DNAH2: variants seen among roughly 807,000 people sequenced by gnomAD.
DNAH2 encodes axonemal beta dynein heavy chain 2.
In DNAH2, 323 loss-of-function variants were observed where a neutral mutation model predicts 523.5. That is an observed-to-expected ratio of 0.62 (90% CI 0.56 to 0.68). The LOEUF (loss-of-function observed/expected upper bound fraction) is 0.68. Ranked by LOEUF, DNAH2 falls within the 30% of genes least tolerant of loss-of-function variation. The pLI, the probability that DNAH2 is intolerant of heterozygous loss-of-function variation, is 0.00. For synonymous variants in DNAH2, 2,093 were observed against 2,177.4 expected (o/e 0.96, Z 1.08); for missense variants, 4,907 against 5,701.5 (o/e 0.86, Z 4.49).
intron 72 of DNAH2, among the ~76,000 whole-genome samples, chr17:7,820,078 G>T (rs1416902867): frequency 6.6e-6 from 1 of 152,062 alleles, no homozygotes; most frequent in African/African-American, 2.4e-5. Flanking sequence ...CACAGTGTTG[G>T]GATTACAGGC....
At chr17:7,813,901 CTG>C (rs2077585959) in intron 63 of DNAH2, among the ~76,000 whole-genome samples, 1 of 138,614 alleles carries the variant, frequency 7.2e-6, no homozygotes, top group Non-Finnish European at 1.6e-5. Flanking sequence ...GTGTGAGACT[CTG>C]TCTCAAAAAA....
intron 63 of DNAH2, among the ~76,000 whole-genome samples, chr17:7,810,084 G>C (rs2077472558): frequency 8.0e-6 from 1 of 125,532 alleles, no homozygotes; most frequent in Admixed American, 9.2e-5. Context: ...TTTTTTTTGA[G>C]ACAGGATCTC....
In DNAH2 at chr17:7,819,457, G is replaced by C. The variant is rs776306744; in HGVS notation, c.11015+49G>C. 2.9e-5 allele frequency: 47 copies of C among 1,604,274 alleles called. No individual in the cohort carries two copies. The Middle Eastern group carries it at 5.1e-4, about 17-fold the overall frequency. On this transcript the variant is annotated intron_variant, in intron 72 of 85. Transcript: ENST00000572933. ...CCCAGCCCGGAGGCCGAGTGGCTGT[G>C]GTTCTTCTGGCCACTGCACCTTCGT...
Position 7,754,791 on chromosome 17 carries a change from CCAGCTTCAGTTT to C in DNAH2, c.1905-2294_1905-2283del, listed in dbSNP as rs1377666100. On this transcript the variant is annotated intron_variant, in intron 12 of 85. Transcript: ENST00000572933. This position sits in a 1 kb window ranked among gnomAD's most constrained non-coding sequence, Gnocchi z 4.6. Reference sequence around the variant, plus strand: ...TCAAACCAAGGCCCAGGCTGCAGCTCCAGCTTCAGTTTCAGCTCAGGCTCCCAAAGCTGCCCA... The same window carrying C: ...TCAAACCAAGGCCCAGGCTGCAGCTCCAGCTCAGGCTCCCAAAGCTGCCCA... 1 of 796,912 alleles carries C rather than the reference CCAGCTTCAGTTT, an allele frequency of 1.3e-6. No homozygotes were observed. The highest frequency in any genetic ancestry group is 1.7e-5 in the African/African-American group (1 of 59,368). The allele number at this position is 796,912 out of a possible 1,614,324, so 49.4% of individuals were successfully genotyped here.
At chr17:7,777,150 AAAG>A (rs2076478236) in intron 32 of DNAH2, among the ~76,000 whole-genome samples, 1 of 150,866 alleles carries the variant, frequency 6.6e-6, no homozygotes, top group Non-Finnish European at 1.5e-5. Context: ...AAAAGAAAGA[AAAG>A]AAAAGAAAAG....
intron 77 of DNAH2, among the ~76,000 whole-genome samples, chr17:7,826,185 A>G (rs2078012890): frequency 6.6e-6 from 1 of 152,092 alleles, no homozygotes; most frequent in Non-Finnish European, 1.5e-5. Flanking sequence ...ACGCCCTACT[A>G]ATTTTTGCAT....
rs764461591 is a variant in DNAH2, at chr17:7,770,666, A to G, written c.4181+27A>G. 14 of 1,613,862 alleles carry G rather than the reference A, an allele frequency of 8.7e-6. 1 individual carries two copies. The highest frequency in any genetic ancestry group is 8.5e-7 in the Non-Finnish European group (1 of 1,179,880). ...TCAGGGGAGCTGGGGCTCTAGGAGAATGGAGGGCTGTGTGACCCAGGCTGC... is the reference window on the plus strand; with the variant it reads ...TCAGGGGAGCTGGGGCTCTAGGAGAGTGGAGGGCTGTGTGACCCAGGCTGC... On this transcript the variant is annotated intron_variant, in intron 26 of 85. Coordinates refer to ENST00000572933, the MANE Select transcript of DNAH2 (RefSeq NM_020877.5).
rs1167056622 is a variant in DNAH2 at position 7,774,846 on chromosome 17, T to C, written c.4589T>C (p.Ile1530Thr). The C allele has an allele frequency of 1.9e-6, 3 of 1,614,202 alleles. No homozygotes were observed. The South Asian group carries it at 3.3e-5, about 18-fold the overall frequency. The part of the protein sequence containing the change: ...LDMYLETKRH[I>T]FPRFYFLSND... ...ATGTATTTAGAGACCAAGCGACATA[T>C]TTTCCCCCGCTTCTACTTCTTGTCC... is the stretch of plus-strand genomic sequence containing the variant. The change falls in exon 29 of 86, where the codon ATT becomes ACT. Residue 1530 changes from isoleucine (I) to threonine (T), a missense_variant. Coordinates refer to ENST00000572933, the MANE Select transcript of DNAH2 (RefSeq NM_020877.5).
chr17:7,790,137 G>A (rs4791329), intron 44 of DNAH2, among the ~76,000 whole-genome samples: 93,426 of 152,094 alleles, frequency 0.61, 28,900 homozygotes, highest in Admixed American at 0.65. Context: ...CATGCGCCCA[G>A]TCAGAAGAAA....
At chr17:7,736,431 G>A (rs839721) in intron 7 of DNAH2, among the ~76,000 whole-genome samples, 87,620 of 151,964 alleles carry the variant, frequency 0.58, 25,416 homozygotes, top group South Asian at 0.75. Context: ...CAGTTGATCC[G>A]ACAGCAACAG....
Position 7,832,838 on chromosome 17 carries a change from C to T in DNAH2, c.12904-16C>T. 1 of 1,614,198 alleles carries T rather than the reference C, an allele frequency of 6.2e-7. No homozygotes were observed. Among genetic ancestry groups the T allele is most frequent in the Non-Finnish European group, 8.5e-7 (1 of 1,180,030 alleles). On this transcript the variant is annotated splice_polypyrimidine_tract_variant and intron_variant, in intron 83 of 85. Coordinates refer to ENST00000572933, the MANE Select transcript of DNAH2 (RefSeq NM_020877.5). This position sits in a 1 kb window ranked among gnomAD's most constrained non-coding sequence, Gnocchi z 4.3. ...CCTCTTCAGGGTCCTCTCTTATTCTCACCTTCAACCCCCAGGTTTCAGTGG... is the reference window on the plus strand; with the variant it reads ...CCTCTTCAGGGTCCTCTCTTATTCTTACCTTCAACCCCCAGGTTTCAGTGG...
intron 7 of DNAH2, among the ~76,000 whole-genome samples, chr17:7,735,483 G>C (rs2075114534): frequency 6.6e-6 from 1 of 151,976 alleles, no homozygotes; most frequent in African/African-American, 2.4e-5. Flanking sequence ...GGGTGCTGGA[G>C]GCTGAAGTGC....
intron 69 of DNAH2, 44 bp from the exon 70 acceptor site, chr17:7,818,599 T>C (rs111916330): frequency 0.017 from 27,233 of 1,610,120 alleles, 1,444 homozygotes; most frequent in South Asian, 0.15. Flanking sequence ...AAGGTGAAGG[T>C]CGAAGGAGTG....
chr17:7,796,379 G>T, intron 49 of DNAH2, 85 bp from the exon 50 acceptor site: 13 of 1,477,382 alleles, frequency 8.8e-6, no homozygotes, highest in Non-Finnish European at 1.2e-5. Context: ...CCCTTAAATT[G>T]TGCCCATGAG....
At chr17:7,797,101 C>CAAAAAAA in intron 50 of DNAH2, 75 bp from the exon 51 acceptor site, 4 of 876,596 alleles carry the variant, frequency 4.6e-6, no homozygotes, top group African/African-American at 2.5e-5. Context: ...GACTCTGTCC[C>CAAAAAAA]AAAAAAAAAA....
intron 58 of DNAH2, among the ~76,000 whole-genome samples, chr17:7,803,076 C>G (rs1379989200): frequency 1.3e-5 from 2 of 152,118 alleles, no homozygotes; most frequent in Non-Finnish European, 2.9e-5. Context: ...GGGATTTTCC[C>G]CACCCAAGCA....
chr17:7,823,126 TCTA>T (rs2077907948), intron 73 of DNAH2, among the ~76,000 whole-genome samples: 1 of 151,838 alleles, frequency 6.6e-6, no homozygotes, highest in African/African-American at 2.4e-5. Flanking sequence ...AAACCCCGTG[TCTA>T]CTAAAAATAC....
chr17:7,794,579 C>T (rs762214252), intron 49 of DNAH2, among the ~76,000 whole-genome samples: 3 of 152,088 alleles, frequency 2.0e-5, no homozygotes, highest in African/African-American at 7.2e-5. Flanking sequence ...GCCTTGTAGT[C>T]CCAATGGGCA....
chr17:7,776,628 C>A, intron 31 of DNAH2, 151 bp from the exon 32 acceptor site: 1 of 591,954 alleles, frequency 1.7e-6, no homozygotes, highest in Non-Finnish European at 3.0e-6. Context: ...GGACCCTTAG[C>A]TCCTGACCTG....
Sources: allele counts gnomAD v4.1 joint callset (sites outside exome capture counted in the v4.1 genomes callset), GRCh38; gene constraint gnomAD v4.1.1; non-coding constraint Gnocchi (gnomAD v3.1); transcripts MANE v1.5; gene names NCBI Gene and HGNC (gene_info 2026-07-23, HGNC 2026-07-21).